CA4: variants seen among roughly 807,000 people sequenced by gnomAD.
CA4 encodes the protein carbonic anhydrase 4.
In CA4, 24 loss-of-function variants were observed where a neutral mutation model predicts 34.5. The observed-to-expected ratio is 0.70, with a 90% CI of 0.50 to 0.98. The LOEUF (loss-of-function observed/expected upper bound fraction) is 0.98. Among genes scored for constraint, CA4 ranks in the 50% least tolerant of loss-of-function variants. The pLI is 0.00. For missense variants in CA4, 394 were observed against 396.7 expected (o/e 0.99, Z 0.06); for synonymous variants, 178 against 170.6 (o/e 1.04, Z -0.34).
rs2083689501 is a variant in CA4, at chr17:60,156,618, C to T, written c.171C>T (p.Val57=). 3 of 1,613,854 alleles carry T rather than the reference C, an allele frequency of 1.9e-6. No homozygotes were observed. Among genetic ancestry groups the T allele is most frequent in the Non-Finnish European group, 2.5e-6 (3 of 1,179,686 alleles). ...ACCGCCAGTCCCCCATCAACATCGT[C>T]ACCACCAAGGCAAAGGTGGACAAAA... The part of the protein sequence containing the change: ...QKDRQSPINI[V]TTKAKVDKKL... The change falls in exon 3 of 8, where the codon GTC becomes GTT. Residue 57 remains valine, a synonymous_variant. Transcript: ENST00000300900.
Position 60,158,382 on chromosome 17 carries a change from C to G in CA4, c.680C>G (p.Pro227Arg). The G allele has an allele frequency of 6.2e-7, 1 of 1,614,168 alleles. No homozygotes were observed. The highest frequency in any genetic ancestry group is 8.5e-7 in the Non-Finnish European group (1 of 1,180,032). ...YFRYLGSLTT[P>R]TCDEKVVWTV... The stretch of plus-strand genomic sequence containing the variant: ...CGCTACCTGGGCTCACTCACCACAC[C>G]GACCTGCGATGAGAAGGTCGTCTGG... The change falls in exon 7 of 8, where the codon CCG (proline) becomes CGG (arginine). Residue 227 changes from proline to arginine, a missense_variant. Pro to Arg is a moderately radical substitution (Grantham distance 103). Coordinates refer to ENST00000300900, the MANE Select transcript of CA4 (RefSeq NM_000717.5).
intron 5 of CA4, among the ~76,000 whole-genome samples, chr17:60,170,376 TTCCCA>T (rs2083901909): frequency 6.6e-6 from 1 of 152,200 alleles, no homozygotes; most frequent in African/African-American, 2.4e-5. Context: ...ACTCCTGTCC[TTCCCA>T]TCCCACCTCT....
intron 5 of CA4, among the ~76,000 whole-genome samples, chr17:60,165,316 C>G (rs2083844203): frequency 6.6e-6 from 1 of 152,258 alleles, no homozygotes; most frequent in East Asian, 1.9e-4. Context: ...GTACACAGAA[C>G]AGTTTACAGA....
downstream of CA4, among the ~76,000 whole-genome samples, chr17:60,161,814 C>T (rs1164718898): frequency 1.3e-5 from 2 of 152,204 alleles, no homozygotes; most frequent in East Asian, 3.9e-4. Flanking sequence ...GGTGTGTGGA[C>T]GCAGAACCTG....
downstream of CA4, among the ~76,000 whole-genome samples, chr17:60,171,802 A>ATAT (rs1420181436): frequency 6.6e-6 from 1 of 152,192 alleles, no homozygotes; most frequent in East Asian, 1.9e-4. Context: ...TCGGGTCTCA[A>ATAT]TGTTGTTTCA....
In CA4 at chr17:60,154,617, T is replaced by C. The variant is rs2083646955; in HGVS notation, c.59-697T>C. ...CATGCACTTTCCCCTCTTATTAACA[T>C]CTTGCATCCATGTGGGACATTTGAG... is the stretch of plus-strand genomic sequence containing the variant. On this transcript the variant is annotated intron_variant, in intron 1 of 7. Coordinates refer to ENST00000300900, the MANE Select transcript of CA4 (RefSeq NM_000717.5). Among the ~76,000 whole-genome samples, 3 of 152,246 alleles carry C rather than the reference T, an allele frequency of 2.0e-5. No homozygotes were observed. In the South Asian group the frequency reaches 6.2e-4, roughly 31 times the overall value.
chr17:60,155,637 C>T (rs2083669116), intron 2 of CA4, among the ~76,000 whole-genome samples: 1 of 151,412 alleles, frequency 6.6e-6, no homozygotes, highest in African/African-American at 2.4e-5. Flanking sequence ...CACACTCACA[C>T]ATGCACACAC....
chr17:60,158,534 A>C (rs1273354594), intron 7 of CA4, 88 bp downstream of exon 7: 2 of 1,374,220 alleles, frequency 1.5e-6, no homozygotes, highest in African/African-American at 2.9e-5. Context: ...GTCCCTCAGG[A>C]TACAGGTGGG....
chr17:60,157,964 A>G (rs2083722289), intron 5 of CA4, 97 bp from the exon 6 acceptor site: 1 of 1,565,214 alleles, frequency 6.4e-7, no homozygotes, highest in Non-Finnish European at 8.7e-7. Flanking sequence ...TCAATCCCAG[A>G]AGCTGCCTGG....
intron 1 of CA4, among the ~76,000 whole-genome samples, chr17:60,152,753 C>CT (rs748017879): frequency 5.9e-5 from 9 of 152,206 alleles, no homozygotes; most frequent in Non-Finnish European, 1.3e-4. Context: ...AAGGAACTGT[C>CT]ATGGTGCAAA....
intron 5 of CA4, among the ~76,000 whole-genome samples, chr17:60,167,555 A>G (rs1233500038): frequency 1.3e-5 from 2 of 152,250 alleles, no homozygotes; most frequent in Non-Finnish European, 2.9e-5. Context: ...GAAAAATGAT[A>G]GCAAAGAATG....
In CA4 at chr17:60,157,813, C is replaced by T. The variant is rs77550281; in HGVS notation, c.513+25C>T. The T allele has an allele frequency of 1.7e-3, 2,737 of 1,589,258 alleles. 57 individuals carry two copies. The African/African-American group carries it at 0.033, about 19-fold the overall frequency. On this transcript the variant is annotated intron_variant, in intron 5 of 7. Transcript: ENST00000300900. ...GGTGGGACTCCCATCCCCCACTTCCCGGGGAACCCGGGGCTGAGAGCTTCT... is the reference window on the plus strand; with the variant it reads ...GGTGGGACTCCCATCCCCCACTTCCTGGGGAACCCGGGGCTGAGAGCTTCT...
At chr17:60,158,208 T>C (rs1405574951) in intron 6 of CA4, 75 bp from the exon 7 acceptor site, 1 of 1,606,022 alleles carries the variant, frequency 6.2e-7, no homozygotes, top group Non-Finnish European at 8.5e-7. Flanking sequence ...TGCGGGGAGC[T>C]GGGCTCTCAG....
At chr17:60,164,353 A>AGTCT (rs201661288), downstream of CA4, among the ~76,000 whole-genome samples, 4 of 133,828 alleles carry the variant, frequency 3.0e-5, no homozygotes, top group Admixed American at 8.5e-5. Context: ...CCCTCCCTCC[A>AGTCT]GTCTGTCTGT....
downstream of CA4, among the ~76,000 whole-genome samples, chr17:60,173,572 T>C (rs2083931780): frequency 6.6e-6 from 1 of 152,256 alleles, no homozygotes; most frequent in Non-Finnish European, 1.5e-5. Context: ...GAGGCAATTA[T>C]GTCTACAGAG....
intron 3 of CA4, chr17:60,156,982 C>G: frequency 1.8e-6 from 1 of 556,934 alleles, no homozygotes; most frequent in East Asian, 3.2e-5. Context: ...TGGAACAGCT[C>G]GGCGTGTTCA....
downstream of CA4, among the ~76,000 whole-genome samples, chr17:60,160,464 A>G (rs2083773529): frequency 6.6e-6 from 1 of 152,122 alleles, no homozygotes. Context: ...CATGGGAGAA[A>G]GAGAATTCAG....
the CA4 span, among the ~76,000 whole-genome samples, chr17:60,175,983 A>G: frequency 6.6e-6 from 1 of 151,686 alleles, no homozygotes; most frequent in Non-Finnish European, 1.5e-5. Flanking sequence ...CGCCCGGCTA[A>G]TTTTGTATTT....
downstream of CA4, among the ~76,000 whole-genome samples, chr17:60,164,354 G>T: frequency 7.6e-6 from 1 of 131,162 alleles, no homozygotes; most frequent in African/African-American, 2.7e-5. Context: ...CCTCCCTCCA[G>T]TCTGTCTGTC....
Sources: allele counts gnomAD v4.1 joint callset (sites outside exome capture counted in the v4.1 genomes callset), GRCh38; gene constraint gnomAD v4.1.1; transcripts MANE v1.5; gene names NCBI Gene and HGNC (gene_info 2026-07-23, HGNC 2026-07-21).